Variants in SPIN1 observed in about 807,000 individuals in gnomAD.
SPIN1 encodes spindlin 1.
A neutral mutation model predicts 26.0 loss-of-function variants in SPIN1; 3 were observed. The observed-to-expected ratio is 0.12, with a 90% CI of 0.05 to 0.30. SPIN1 has a LOEUF of 0.30. Ranked by LOEUF, SPIN1 falls within the 10% of genes least tolerant of loss-of-function variation. The probability of loss-of-function intolerance (pLI) is 1.00; values close to 1 mark genes in which losing one functional copy is unlikely to be tolerated. For synonymous variants in SPIN1, 101 were observed against 116.5 expected (o/e 0.87, Z 0.86); for missense variants, 126 against 333.4 (o/e 0.38, Z 4.84).
intron 1 of SPIN1, among the ~76,000 whole-genome samples, chr9:88,412,690 A>AT (rs965824232): frequency 1.9e-3 from 284 of 146,414 alleles, no homozygotes; most frequent in East Asian, 3.2e-3. Flanking sequence ...TTTGTCAGTA[A>AT]TTTTTTTTTT....
rs1011119921 is a variant in SPIN1 at position 88,441,394 on chromosome 9, C to T, written c.53-7547C>T. ...AGTCTGGTTGTATCATCATTGCTGC[C>T]ATTCGTGTGTGTGTGTGTGTGCGCG... On this transcript the variant is annotated intron_variant, in intron 2 of 5. Coordinates refer to ENST00000375859, the MANE Select transcript of SPIN1 (RefSeq NM_006717.3). Among the ~76,000 whole-genome samples the T allele has an allele frequency of 1.8e-3, 169 of 95,908 alleles. 2 individuals are homozygous for T. In the African/African-American group the frequency reaches 0.019, roughly 11 times the overall value. The allele number at this position is 95,908 out of a possible 152,430, so 62.9% of individuals were successfully genotyped here.
chr9:88,445,091 C>T (rs1244295142), intron 2 of SPIN1, among the ~76,000 whole-genome samples: 1 of 152,166 alleles, frequency 6.6e-6, no homozygotes, highest in African/African-American at 2.4e-5. Flanking sequence ...GGCACCCTTT[C>T]CTGGAACTCA....
At chr9:88,425,996 C>T (rs1378759004) in intron 1 of SPIN1, among the ~76,000 whole-genome samples, 1 of 152,104 alleles carries the variant, frequency 6.6e-6, no homozygotes, top group Admixed American at 6.6e-5. Context: ...TCTTTGTGTC[C>T]CATTAGACAG....
intron 2 of SPIN1, among the ~76,000 whole-genome samples, chr9:88,440,215 C>T (rs11142301): frequency 0.075 from 11,206 of 148,478 alleles, 1,575 homozygotes; most frequent in African/African-American, 0.27. Context: ...AGGCTGGTCT[C>T]GGGCTTTCCA....
At chr9:88,455,851 C>T (rs185851206) in intron 3 of SPIN1, among the ~76,000 whole-genome samples, 1 of 151,870 alleles carries the variant, frequency 6.6e-6, no homozygotes, top group African/African-American at 2.4e-5. Context: ...GTGGCAGGCA[C>T]CCTTACGTAG....
intron 1 of SPIN1, among the ~76,000 whole-genome samples, chr9:88,416,932 A>G (rs1026001750): frequency 6.6e-6 from 1 of 152,156 alleles, no homozygotes; most frequent in Non-Finnish European, 1.5e-5. Flanking sequence ...CTTGAATGAA[A>G]TTTTCTACAC....
At chr9:88,406,961 A>G (rs1454075462) in intron 1 of SPIN1, among the ~76,000 whole-genome samples, 2 of 151,922 alleles carry the variant, frequency 1.3e-5, no homozygotes, top group African/African-American at 2.4e-5. Context: ...TGTATTTTCA[A>G]TAGCCATTTA....
chr9:88,442,261 G>A (rs1188485405), intron 2 of SPIN1, among the ~76,000 whole-genome samples: 1 of 151,782 alleles, frequency 6.6e-6, no homozygotes, highest in East Asian at 1.9e-4. Context: ...ATATAAAACT[G>A]TAAGTTAGTA....
At chr9:88,410,821 G>A in intron 1 of SPIN1, 4 of 929,954 alleles carry the variant, frequency 4.3e-6, no homozygotes, top group Non-Finnish European at 7.0e-6. Flanking sequence ...TCCACTACCA[G>A]AGTTGTCATT....
chr9:88,474,867 A>G (rs539745672), intron 5 of SPIN1, among the ~76,000 whole-genome samples: 92 of 152,254 alleles, frequency 6.0e-4, no homozygotes, highest in South Asian at 5.6e-3. Flanking sequence ...AGCAGTTGGG[A>G]CAGAGACCAT....
chr9:88,468,014 A>C (rs1484646897), intron 4 of SPIN1, among the ~76,000 whole-genome samples: 1 of 152,198 alleles, frequency 6.6e-6, no homozygotes, highest in Non-Finnish European at 1.5e-5. Flanking sequence ...TTATCTCAAA[A>C]TTTAACTGTT....
chr9:88,446,009 T>C (rs1195862916), intron 2 of SPIN1, among the ~76,000 whole-genome samples: 2 of 152,202 alleles, frequency 1.3e-5, no homozygotes, highest in Non-Finnish European at 2.9e-5. Flanking sequence ...TCTATTATTT[T>C]GATTGGCATA....
intron 1 of SPIN1, among the ~76,000 whole-genome samples, chr9:88,405,559 C>G (rs62580711): frequency 1.1e-5 from 1 of 89,694 alleles, no homozygotes; most frequent in Admixed American, 1.1e-4. Flanking sequence ...TTTTTTTTCC[C>G]TGAGACAGAG....
chr9:88,407,135 T>TA (rs397893590), intron 1 of SPIN1, among the ~76,000 whole-genome samples: 328 of 122,738 alleles, frequency 2.7e-3, no homozygotes, highest in Middle Eastern at 4.3e-3. Flanking sequence ...GATCTTCCTT[T>TA]AAAAAAAAAA....
At chr9:88,456,738 A>G (rs1299888103) in intron 3 of SPIN1, among the ~76,000 whole-genome samples, 1 of 152,194 alleles carries the variant, frequency 6.6e-6, no homozygotes, top group East Asian at 1.9e-4. Flanking sequence ...AACACCAAGA[A>G]TCATGAGGCA....
Position 88,478,356 on chromosome 9 carries a change from A to G in SPIN1, c.*3079A>G, listed in dbSNP as rs1828923524. ...TGAAAGTTCTCCAAAGACAAAACAG[A>G]ACAATTATTATAACAAAATAATTAT... On this transcript the variant is annotated 3_prime_UTR_variant, in exon 6 of 6. Coordinates refer to ENST00000375859, the MANE Select transcript of SPIN1 (RefSeq NM_006717.3). The G allele has an allele frequency of 6.5e-6, 1 of 152,680 alleles. No individual in the cohort carries two copies. The highest frequency in any genetic ancestry group is 2.1e-4 in the South Asian group (1 of 4,830). 9.5% of individuals were successfully genotyped at this position (152,680 alleles called of 1,614,324 possible). A position where few individuals can be genotyped will look rare whatever the true frequency, so the allele number is the denominator to read the frequency against.
chr9:88,414,916 T>A lies in SPIN1; in HGVS notation c.-158-11466T>A, dbSNP rs549198724. Among the ~76,000 whole-genome samples the A allele has an allele frequency of 2.6e-5, 4 of 152,294 alleles. No homozygotes were observed. In the South Asian group the frequency reaches 8.3e-4, roughly 32 times the overall value. On this transcript the variant is annotated intron_variant, in intron 1 of 5. Transcript: ENST00000375859. ...TTAGGGTGTTTAATAATTTTTTTTG[T>A]TTTTTGAGATGGAGTCTCGCTGTGT...
chr9:88,400,923 G>A (rs1040746277), intron 1 of SPIN1, among the ~76,000 whole-genome samples: 5 of 152,124 alleles, frequency 3.3e-5, no homozygotes, highest in Non-Finnish European at 7.3e-5. Flanking sequence ...TGAGGTGGGA[G>A]GATCAGTTGA....
At chr9:88,438,644 G>T (rs1828056599) in intron 2 of SPIN1, among the ~76,000 whole-genome samples, 1 of 152,112 alleles carries the variant, frequency 6.6e-6, no homozygotes, top group African/African-American at 2.4e-5. Flanking sequence ...CTGATTTTAT[G>T]CCTTCTGGAT....
Sources: gnomAD v4.1 joint callset for allele counts (sites outside exome capture counted in the v4.1 genomes callset) on GRCh38, gnomAD v4.1.1 for gene constraint, MANE v1.5 for transcripts, NCBI Gene and HGNC (gene_info 2026-07-23, HGNC 2026-07-21) for gene names.